NUDT9: variants seen among roughly 807,000 people sequenced by gnomAD.
The protein encoded by NUDT9 is nudix hydrolase 9, also known as ADP-ribose pyrophosphatase.
NUDT9 carries 31 observed loss-of-function variants against 41.0 expected under a neutral mutation model. The ratio of observed to expected loss-of-function variants is 0.76; its 90% CI spans 0.57 to 1.02. NUDT9 has a LOEUF of 1.02. NUDT9 is among the 50% of genes least tolerant of loss of function. The probability of loss-of-function intolerance (pLI) is 0.00; values close to 1 mark genes in which losing one functional copy is unlikely to be tolerated. For missense variants in NUDT9, 380 were observed against 431.4 expected (o/e 0.88, Z 1.06); for synonymous variants, 146 against 147.6 (o/e 0.99, Z 0.08).
At position 87,435,063 on chromosome 4, in the gene NUDT9, A is replaced by G; in HGVS notation, c.190A>G (p.Lys64Glu). 1 of 1,614,228 alleles carries G rather than the reference A, an allele frequency of 6.2e-7. No homozygotes were observed. The highest frequency in any genetic ancestry group is 8.5e-7 in the Non-Finnish European group (1 of 1,180,044). Reference protein sequence around the residue: ...SNGSKENSHNKARTSPYPGSK... With the variant: ...SNGSKENSHNEARTSPYPGSK... ...TGGTTCCAAAGAAAATTCTCACAAT[A>G]AGGCTCGGACGTCTCCTTACCCAGG... The change falls in exon 2 of 8, where the codon AAG becomes GAG. Residue 64 changes from lysine (K) to glutamate (E), a missense_variant. Transcript: ENST00000302174.
intron 5 of NUDT9, among the ~76,000 whole-genome samples, chr4:87,450,366 CT>C (rs1722653899): frequency 7.3e-6 from 1 of 137,052 alleles, no homozygotes. Flanking sequence ...AGGCTAATTT[CT>C]TTTTCTTTTT....
intron 6 of NUDT9, among the ~76,000 whole-genome samples, chr4:87,453,808 A>G (rs1722862909): frequency 6.6e-6 from 1 of 151,930 alleles, no homozygotes; most frequent in African/African-American, 2.4e-5. Flanking sequence ...ATGAAGTACT[A>G]CATTAAAAGT....
intron 4 of NUDT9, 112 bp downstream of exon 4, chr4:87,442,027 G>A (rs1257627956): frequency 1.5e-6 from 1 of 685,052 alleles, no homozygotes; most frequent in Non-Finnish European, 2.5e-6. Flanking sequence ...ACATATGTAT[G>A]TGTTTGTATA....
At chr4:87,427,658 CAG>C (rs1228638250) in intron 1 of NUDT9, among the ~76,000 whole-genome samples, 1 of 152,136 alleles carries the variant, frequency 6.6e-6, no homozygotes, top group Non-Finnish European at 1.5e-5. Flanking sequence ...ATTGCTAAAT[CAG>C]GGAACAAAGA....
At chr4:87,431,501 A>G (rs1033206681) in intron 1 of NUDT9, among the ~76,000 whole-genome samples, 2 of 152,188 alleles carry the variant, frequency 1.3e-5, no homozygotes, top group African/African-American at 4.8e-5. Context: ...GATAACTTTG[A>G]GTAGTATTGA....
intron 1 of NUDT9, among the ~76,000 whole-genome samples, chr4:87,429,886 A>G (rs113130012): frequency 0.027 from 4,054 of 151,984 alleles, 184 homozygotes; most frequent in African/African-American, 0.092. Flanking sequence ...GGCTCCTTCT[A>G]TATATGCTTA....
intron 1 of NUDT9, among the ~76,000 whole-genome samples, chr4:87,432,196 A>G (rs1721717516): frequency 6.6e-6 from 1 of 152,244 alleles, no homozygotes; most frequent in South Asian, 2.1e-4. Context: ...GAATATTCAC[A>G]TACACATAAT....
At chr4:87,427,593 G>T (rs1255856312) in intron 1 of NUDT9, among the ~76,000 whole-genome samples, 2 of 152,222 alleles carry the variant, frequency 1.3e-5, no homozygotes, top group Non-Finnish European at 2.9e-5. Flanking sequence ...AAATAATCCA[G>T]TGTGTAAATC....
At chr4:87,431,684 A>T (rs150008625) in intron 1 of NUDT9, among the ~76,000 whole-genome samples, 79 of 152,114 alleles carry the variant, frequency 5.2e-4, no homozygotes, top group African/African-American at 1.8e-3. Flanking sequence ...AATTTTCTTA[A>T]TGTTCCTTTT....
At chr4:87,437,448 C>T (rs1299854514) in intron 2 of NUDT9, among the ~76,000 whole-genome samples, 1 of 151,978 alleles carries the variant, frequency 6.6e-6, no homozygotes, top group African/African-American at 2.4e-5. Flanking sequence ...TCACGCCATT[C>T]TCCTGCCTCA....
At chr4:87,424,648 C>T (rs911301835) in intron 1 of NUDT9, among the ~76,000 whole-genome samples, 1 of 152,166 alleles carries the variant, frequency 6.6e-6, no homozygotes, top group Non-Finnish European at 1.5e-5. Context: ...AGTTGGTTAC[C>T]ATCTGTCATT....
Position 87,428,844 on chromosome 4 carries a change from C to G in NUDT9, c.107+5832C>G, listed in dbSNP as rs909189750. Among the ~76,000 whole-genome samples, 15 of 152,174 alleles carry G rather than the reference C, an allele frequency of 9.9e-5. 1 individual carries two copies. The highest frequency in any genetic ancestry group is 9.2e-4 in the Admixed American group (14 of 15,280). ...GCATAGCCTCCCGCATTGTCAACAT[C>G]CCCACAGAGCCACGGAGCCATACGT... On this transcript the variant is annotated intron_variant, in intron 1 of 7. Coordinates refer to ENST00000302174, the MANE Select transcript of NUDT9 (RefSeq NM_024047.5).
chr4:87,433,214 C>G (rs1721765195), intron 1 of NUDT9, among the ~76,000 whole-genome samples: 1 of 152,156 alleles, frequency 6.6e-6, no homozygotes, highest in Non-Finnish European at 1.5e-5. Flanking sequence ...AACTTTACTA[C>G]CTATCCTGCA....
At chr4:87,456,885 T>C (rs1195953692) in intron 7 of NUDT9, among the ~76,000 whole-genome samples, 1 of 152,176 alleles carries the variant, frequency 6.6e-6, no homozygotes, top group African/African-American at 2.4e-5. Flanking sequence ...GAGCCGTGAT[T>C]GTGCCACTGC....
intron 7 of NUDT9, 63 bp from the exon 8 acceptor site, chr4:87,457,780 C>G: frequency 7.1e-7 from 1 of 1,411,150 alleles, no homozygotes; most frequent in Non-Finnish European, 9.9e-7. Flanking sequence ...GAATACTTGA[C>G]GACATAGATA....
At chr4:87,445,632 G>C (rs921274692) in intron 4 of NUDT9, 2 of 152,082 alleles carry the variant, frequency 1.3e-5, no homozygotes, top group African/African-American at 4.8e-5. Flanking sequence ...TTCACTTTTG[G>C]TTAAAGACAG....
chr4:87,449,353 TC>T, intron 5 of NUDT9, 100 bp downstream of exon 5: 1 of 680,012 alleles, frequency 1.5e-6, no homozygotes. Flanking sequence ...TTTCCTCTAT[TC>T]CTTCCCACTT....
At chr4:87,440,189 A>C (rs978690938) in intron 3 of NUDT9, among the ~76,000 whole-genome samples, 1 of 152,216 alleles carries the variant, frequency 6.6e-6, no homozygotes, top group African/African-American at 2.4e-5. Context: ...CTTTTAATGA[A>C]GTCTCTTTGA....
At chr4:87,437,466 G>A (rs890213486) in intron 2 of NUDT9, among the ~76,000 whole-genome samples, 3 of 151,648 alleles carry the variant, frequency 2.0e-5, no homozygotes, top group African/African-American at 4.9e-5. Context: ...TCAGCCTCCC[G>A]AGTAGCTGGG....
Sources: gnomAD v4.1 joint callset for allele counts (sites outside exome capture counted in the v4.1 genomes callset) on GRCh38, gnomAD v4.1.1 for gene constraint, MANE v1.5 for transcripts, NCBI Gene and HGNC (gene_info 2026-07-23, HGNC 2026-07-21) for gene names.